Variants in MTUS2 observed in about 807,000 individuals in gnomAD.
MTUS2 encodes microtubule associated scaffold protein 2.
Under a neutral mutation model 114.1 loss-of-function variants are expected in MTUS2, and 40 were observed. The observed-to-expected ratio is 0.35, with a 90% CI of 0.27 to 0.46. The LOEUF is 0.46. Ranked by LOEUF, MTUS2 falls within the 20% of genes least tolerant of loss-of-function variation. The pLI, the probability that MTUS2 is intolerant of heterozygous loss-of-function variation, is 1.00. For synonymous variants in MTUS2, 688 were observed against 672.0 expected (o/e 1.02, Z -0.37); for missense variants, 1,679 against 1,705.4 (o/e 0.98, Z 0.27).
intron 8 of MTUS2, among the ~76,000 whole-genome samples, chr13:29,393,344 G>A (rs1253491969): frequency 1.4e-5 from 2 of 140,620 alleles, no homozygotes; most frequent in African/African-American, 3.3e-5. Context: ...ACATCTTGTC[G>A]CTCCCGCTCC....
intron 8 of MTUS2, among the ~76,000 whole-genome samples, chr13:29,363,210 A>G (rs551890280): frequency 4.3e-4 from 65 of 152,194 alleles, no homozygotes; most frequent in Non-Finnish European, 8.5e-4. Flanking sequence ...CTCCCATGAA[A>G]CAGTCCACAG....
chr13:29,109,911 T>C (rs1477648170), intron 5 of MTUS2, among the ~76,000 whole-genome samples: 3 of 152,228 alleles, frequency 2.0e-5, no homozygotes, highest in Admixed American at 6.5e-5. Flanking sequence ...CTCACACATA[T>C]ATGGTGAATA....
At chr13:29,069,067 G>T (rs1315216440) in intron 4 of MTUS2, among the ~76,000 whole-genome samples, 1 of 152,138 alleles carries the variant, frequency 6.6e-6, no homozygotes, top group African/African-American at 2.4e-5. Flanking sequence ...TAGTGGGAGG[G>T]TAGGGGATGG....
At chr13:28,909,646 T>G (rs150852049) in intron 2 of MTUS2, among the ~76,000 whole-genome samples, 21 of 152,070 alleles carry the variant, frequency 1.4e-4, no homozygotes, top group Non-Finnish European at 2.4e-4. Flanking sequence ...TGTCACCACT[T>G]CTATTCAACA....
At chr13:29,324,109 T>C (rs1408923949) in intron 6 of MTUS2, among the ~76,000 whole-genome samples, 1 of 152,200 alleles carries the variant, frequency 6.6e-6, no homozygotes, top group East Asian at 1.9e-4. Flanking sequence ...TAAAAGGCTC[T>C]CTAGGTCACC....
chr13:29,081,654 G>T (rs1335179163), intron 4 of MTUS2, among the ~76,000 whole-genome samples: 1 of 151,532 alleles, frequency 6.6e-6, no homozygotes, highest in African/African-American at 2.4e-5. Flanking sequence ...AATAGATAAG[G>T]AGTGTCTTGA....
At chr13:29,332,520 T>C (rs1265439553) in intron 7 of MTUS2, among the ~76,000 whole-genome samples, 4 of 138,888 alleles carry the variant, frequency 2.9e-5, no homozygotes, top group Non-Finnish European at 6.2e-5. Flanking sequence ...CCTGGATTCA[T>C]TGATTTTTTT....
At position 29,480,273 on chromosome 13, in the gene MTUS2, G is replaced by C. The variant is rs557221814; in HGVS notation, c.3308G>C (p.Arg1103Pro). Residue 1103 changes from arginine to proline, a missense_variant, in exon 10 of 16, where the codon CGG becomes CCG. Arg to Pro is a moderately radical substitution (Grantham distance 103). This residue lies in a region of MTUS2 where 822 missense variants were observed against 899.7 expected (regional missense o/e 0.91). Coordinates refer to ENST00000612955, the MANE Select transcript of MTUS2 (RefSeq NM_001033602.4). The surrounding 1 kb of genome is among the most constrained non-coding windows in gnomAD (Gnocchi z 4.4). ...QQAELQELEE[R>P]LQLQFEAEMA... Reference sequence around the variant, plus strand: ...GCCGAGCTCCAGGAGCTGGAGGAGCGGCTGCAGCTGCAATTCGAGGCGGAA... The same window carrying C: ...GCCGAGCTCCAGGAGCTGGAGGAGCCGCTGCAGCTGCAATTCGAGGCGGAA... 1 of 1,554,476 alleles carries C rather than the reference G, an allele frequency of 6.4e-7. No homozygotes were observed. The highest frequency in any genetic ancestry group is 8.7e-7 in the Non-Finnish European group (1 of 1,149,116).
rs1217736979 is a variant in MTUS2, at chr13:29,420,251, C to A, written c.3118-19732C>A. 3.3e-5 allele frequency among the ~76,000 whole-genome samples: 5 copies of A among 150,170 alleles called. No homozygotes were observed. The East Asian group carries it at 9.7e-4, about 29-fold the overall frequency. ...CTTCCTTAACTTACTTTCTTTCTTT[C>A]TTTCTTTCTTTTTCTTTCTTTTCTT... On this transcript the variant is annotated intron_variant, in intron 8 of 15. Transcript: ENST00000612955.
intron 5 of MTUS2, among the ~76,000 whole-genome samples, chr13:29,243,582 C>T (rs909166970): frequency 8.5e-5 from 13 of 152,068 alleles, no homozygotes; most frequent in Admixed American, 8.5e-4. Context: ...AGCCTTGAAG[C>T]CTTAGAGCAT....
intron 2 of MTUS2, among the ~76,000 whole-genome samples, chr13:28,895,492 G>A (rs371942456): frequency 1.3e-5 from 2 of 152,270 alleles, no homozygotes; most frequent in South Asian, 2.1e-4. Context: ...GACAATTAGA[G>A]AGTTACATTC....
intron 5 of MTUS2, among the ~76,000 whole-genome samples, chr13:29,243,648 G>A (rs1205708980): frequency 6.6e-6 from 1 of 152,208 alleles, no homozygotes; most frequent in Non-Finnish European, 1.5e-5. Flanking sequence ...CACACTTGGG[G>A]TAGGGAGCCC....
chr13:29,106,204 C>T (rs1273182841), intron 5 of MTUS2, among the ~76,000 whole-genome samples: 2 of 152,178 alleles, frequency 1.3e-5, no homozygotes, highest in Admixed American at 1.3e-4. Context: ...GTATCTCTAA[C>T]CCGATGGCCC....
At chr13:28,836,699 A>G (rs1025423984) in intron 1 of MTUS2, among the ~76,000 whole-genome samples, 3 of 152,188 alleles carry the variant, frequency 2.0e-5, no homozygotes, top group African/African-American at 7.2e-5. Flanking sequence ...AGGAGGCAGG[A>G]GCAAGGGCAG....
At chr13:29,207,423 C>G (rs572121830) in intron 5 of MTUS2, among the ~76,000 whole-genome samples, 5 of 152,206 alleles carry the variant, frequency 3.3e-5, no homozygotes, top group South Asian at 2.1e-4. Context: ...ATTTCTTTCT[C>G]TTGTCTGATT....
rs1874122146 is a variant in MTUS2 at position 28,824,388 on chromosome 13, G to A, written c.-316+3777G>A. 2.0e-5 allele frequency among the ~76,000 whole-genome samples: 3 copies of A among 152,160 alleles called. No homozygotes were observed. In the South Asian group the frequency reaches 6.2e-4, roughly 32 times the overall value. ...TCTGTCCTCTAGTCTCTGTAGATGG[G>A]TAGGAGCCTAACTTTGACAAGTGCC... is the stretch of plus-strand genomic sequence containing the variant. On this transcript the variant is annotated intron_variant, in intron 1 of 15. Coordinates refer to ENST00000612955, the MANE Select transcript of MTUS2 (RefSeq NM_001033602.4).
At chr13:29,306,726 C>A (rs1049006750) in intron 6 of MTUS2, 18 of 286,606 alleles carry the variant, frequency 6.3e-5, no homozygotes, top group Non-Finnish European at 1.2e-4. Context: ...TTCTCCTGTT[C>A]GACAGACAGC....
chr13:29,340,590 A>G (rs1437843969), intron 7 of MTUS2, among the ~76,000 whole-genome samples: 2 of 152,158 alleles, frequency 1.3e-5, no homozygotes, highest in Non-Finnish European at 2.9e-5. Flanking sequence ...GCCTTCGTAC[A>G]TTCATGAATA....
chr13:28,853,967 C>T (rs754196561), intron 2 of MTUS2, among the ~76,000 whole-genome samples: 16 of 152,194 alleles, frequency 1.1e-4, no homozygotes, highest in Non-Finnish European at 2.1e-4. Context: ...TACATGTAAT[C>T]TACAATGCAT....
Sources: gnomAD v4.1 joint callset for allele counts (sites outside exome capture counted in the v4.1 genomes callset) on GRCh38, gnomAD v4.1.1 for gene constraint, gnomAD v4.1.1 regional missense constraint, Gnocchi (gnomAD v3.1) non-coding constraint, MANE v1.5 for transcripts, NCBI Gene and HGNC (gene_info 2026-07-23, HGNC 2026-07-21) for gene names.